The following KCNH8 variants were observed in gnomAD, a reference collection of about 807,000 sequenced individuals.
KCNH8 encodes the protein potassium voltage-gated channel subfamily H member 8.
In KCNH8, 70 loss-of-function variants were observed where a neutral mutation model predicts 103.6. That is an observed-to-expected ratio of 0.68 (90% CI 0.56 to 0.82). The LOEUF is 0.82. Among genes scored for constraint, KCNH8 ranks in the 40% least tolerant of loss-of-function variants. The pLI is 0.00. For missense variants in KCNH8, 1,217 were observed against 1,329.9 expected (o/e 0.92, Z 1.32); for synonymous variants, 498 against 489.4 (o/e 1.02, Z -0.23).
chr3:19,252,844 A>G (rs558920082), intron 1 of KCNH8, among the ~76,000 whole-genome samples: 55 of 152,256 alleles, frequency 3.6e-4, no homozygotes, highest in African/African-American at 1.3e-3. Flanking sequence ...TGCCCAGCCA[A>G]TATCACCTAG....
intron 11 of KCNH8, among the ~76,000 whole-genome samples, chr3:19,501,777 A>C (rs1023659346): frequency 4.3e-4 from 65 of 152,314 alleles, no homozygotes; most frequent in African/African-American, 1.4e-3. Context: ...GACGTATCTC[A>C]AAATAATAAG....
chr3:19,358,156 CTTTCTTCCTTCCT>C (rs904070817), intron 5 of KCNH8, among the ~76,000 whole-genome samples: 2 of 143,994 alleles, frequency 1.4e-5, no homozygotes, highest in Non-Finnish European at 3.0e-5. Flanking sequence ...TCCTTCCTTC[CTTTCTTCCTTCCT>C]TTTCTTCCTT....
At position 19,217,796 on chromosome 3, in the gene KCNH8, T is replaced by G. The variant is rs79722948; in HGVS notation, c.77-35858T>G. Among the ~76,000 whole-genome samples the G allele has an allele frequency of 7.8e-3, 1,182 of 152,300 alleles. 16 individuals are homozygous for G. The highest frequency in any genetic ancestry group is 0.026 in the African/African-American group (1,087 of 41,570). Reference sequence around the variant, plus strand: ...AGCTTTTGAATAACTGGATTTGGGATTATTTAACTTGTTCTGTGTGTCTGT... The same window carrying G: ...AGCTTTTGAATAACTGGATTTGGGAGTATTTAACTTGTTCTGTGTGTCTGT... On this transcript the variant is annotated intron_variant, in intron 1 of 15. Transcript: ENST00000328405.
chr3:19,450,051 T>A lies in KCNH8; in HGVS notation c.1376-55T>A, dbSNP rs2067422979. ...GATAAACTGTAAATTTAGATTTACG[T>A]GGTGGGCCTCATGTCACATTTCTCT... On this transcript the variant is annotated intron_variant, in intron 8 of 15. Coordinates refer to ENST00000328405, the MANE Select transcript of KCNH8 (RefSeq NM_144633.3). The A allele has an allele frequency of 4.2e-6, 6 of 1,413,966 alleles. No homozygotes were observed. The South Asian group carries it at 7.1e-5, about 17-fold the overall frequency. 87.6% of individuals were successfully genotyped at this position (1,413,966 alleles called of 1,614,324 possible). A position where few individuals can be genotyped will look rare whatever the true frequency, so the allele number is the denominator to read the frequency against.
chr3:19,438,131 C>A, intron 7 of KCNH8, 33 bp from the exon 8 acceptor site: 1 of 1,557,660 alleles, frequency 6.4e-7, no homozygotes, highest in East Asian at 2.2e-5. Context: ...TTTACTTTTT[C>A]TTCTCTCATT....
At chr3:19,425,888 A>T (rs907264531) in intron 7 of KCNH8, among the ~76,000 whole-genome samples, 1 of 152,200 alleles carries the variant, frequency 6.6e-6, no homozygotes, top group Non-Finnish European at 1.5e-5. Context: ...GTTGGAGCTG[A>T]GGTGTTGACA....
chr3:19,522,970 G>A (rs1449496312), intron 15 of KCNH8, among the ~76,000 whole-genome samples: 1 of 151,788 alleles, frequency 6.6e-6, no homozygotes, highest in Non-Finnish European at 1.5e-5. Context: ...ATGTATATGT[G>A]TGATAAGAAC....
chr3:19,246,887 G>A (rs2064213414), intron 1 of KCNH8, among the ~76,000 whole-genome samples: 1 of 152,156 alleles, frequency 6.6e-6, no homozygotes, highest in Admixed American at 6.5e-5. Context: ...TGGCAAGGTT[G>A]TGAAGGACAT....
chr3:19,526,106 G>T (rs1575175475), intron 15 of KCNH8, among the ~76,000 whole-genome samples: 1 of 152,048 alleles, frequency 6.6e-6, no homozygotes, highest in South Asian at 2.1e-4. Context: ...ATCATAGCTT[G>T]TAAAAATGTA....
chr3:19,417,481 A>T (rs1048719241), intron 7 of KCNH8, among the ~76,000 whole-genome samples: 3 of 151,794 alleles, frequency 2.0e-5, no homozygotes, highest in Non-Finnish European at 4.4e-5. Context: ...GATTATTACA[A>T]GATTATTATA....
intron 1 of KCNH8, among the ~76,000 whole-genome samples, chr3:19,183,711 C>T (rs1421129422): frequency 6.6e-6 from 1 of 152,094 alleles, no homozygotes; most frequent in Non-Finnish European, 1.5e-5. Flanking sequence ...AGGTATTTGT[C>T]ACACGTGTGG....
chr3:19,342,525 A>G (rs2065674457), intron 3 of KCNH8, 62 bp from the exon 4 acceptor site: 2 of 1,536,784 alleles, frequency 1.3e-6, no homozygotes, highest in Non-Finnish European at 1.8e-6. Flanking sequence ...AACTGTCAAA[A>G]TGACATTCTT....
intron 11 of KCNH8, among the ~76,000 whole-genome samples, chr3:19,494,430 T>TGTCA (rs375686180): frequency 1.1e-3 from 166 of 152,316 alleles, no homozygotes; most frequent in African/African-American, 3.6e-3. Context: ...CTTTGCCTGC[T>TGTCA]GTCATCCATA....
chr3:19,378,330 A>G (rs11914956), intron 5 of KCNH8, among the ~76,000 whole-genome samples: 18,510 of 152,234 alleles, frequency 0.12, 1,345 homozygotes, highest in Middle Eastern at 0.21. Context: ...AGAAAGCAGA[A>G]GTGAATTTTG....
chr3:19,489,625 C>A lies in KCNH8; in HGVS notation c.2041-20738C>A, dbSNP rs888314876. Among the ~76,000 whole-genome samples, 11 of 152,060 alleles carry A rather than the reference C, an allele frequency of 7.2e-5. No individual in the cohort carries two copies. The South Asian group carries it at 2.1e-3, about 29-fold the overall frequency. On this transcript the variant is annotated intron_variant, in intron 11 of 15. Transcript: ENST00000328405. ...CATAACTCCATAGTCTCCCTTAAAT[C>A]CTGTTTTGAAATTTTTCAACATAGT... is the stretch of plus-strand genomic sequence containing the variant.
At chr3:19,171,168 T>C (rs903409372) in intron 1 of KCNH8, among the ~76,000 whole-genome samples, 2 of 152,190 alleles carry the variant, frequency 1.3e-5, no homozygotes, top group African/African-American at 4.8e-5. Flanking sequence ...TTCTTACTTG[T>C]TCTAATTTCC....
chr3:19,164,596 T>G (rs1313265714), intron 1 of KCNH8, among the ~76,000 whole-genome samples: 1 of 152,198 alleles, frequency 6.6e-6, no homozygotes, highest in Non-Finnish European at 1.5e-5. Context: ...AGGCCCTGTT[T>G]AATAAAAGGC....
At chr3:19,273,796 GATCCCA>G (rs2064623980) in intron 2 of KCNH8, among the ~76,000 whole-genome samples, 1 of 152,140 alleles carries the variant, frequency 6.6e-6, no homozygotes, top group South Asian at 2.1e-4. Context: ...GTGTTTTTCT[GATCCCA>G]GTCTCATTGG....
chr3:19,187,592 A>G (rs76377585), intron 1 of KCNH8, among the ~76,000 whole-genome samples: 2,994 of 152,146 alleles, frequency 0.02, 96 homozygotes, highest in African/African-American at 0.067. Context: ...CTCTTTCACA[A>G]TTGGTTTACC....
Sources: allele counts gnomAD v4.1 joint callset (sites outside exome capture counted in the v4.1 genomes callset), GRCh38; gene constraint gnomAD v4.1.1; transcripts MANE v1.5; gene names NCBI Gene and HGNC (gene_info 2026-07-23, HGNC 2026-07-21).